Variants in ITGAM observed in about 807,000 individuals in gnomAD.
ITGAM encodes integrin alpha-M.
A neutral mutation model predicts 137.5 loss-of-function variants in ITGAM; 79 were observed. The observed-to-expected ratio is 0.57, with a 90% CI of 0.48 to 0.69. ITGAM has a LOEUF of 0.69. Ranked by LOEUF, ITGAM falls within the 30% of genes least tolerant of loss-of-function variation. ITGAM has a pLI of 0.00. For synonymous variants in ITGAM, 583 were observed against 592.3 expected (o/e 0.98, Z 0.23); for missense variants, 1,343 against 1,483.5 (o/e 0.91, Z 1.56).
chr16:31,329,462 G>A (rs1172139278), intron 24 of ITGAM, among the ~76,000 whole-genome samples, 159 bp downstream of exon 24: 1 of 152,144 alleles, frequency 6.6e-6, no homozygotes, highest in East Asian at 1.9e-4. Context: ...ATACACGCAC[G>A]TATGTATGTG....
Position 31,266,651 on chromosome 16 carries a change from A to C in ITGAM, c.427+504A>C, listed in dbSNP as rs1596970364. Among the ~76,000 whole-genome samples, 3 of 152,110 alleles carry C rather than the reference A, an allele frequency of 2.0e-5. No individual in the cohort carries two copies. The South Asian group carries it at 6.2e-4, about 32-fold the overall frequency. On this transcript the variant is annotated intron_variant, in intron 5 of 29. Coordinates refer to ENST00000544665, the MANE Select transcript of ITGAM (RefSeq NM_000632.4). ...CTTGAGCCTGGGAAGTTGAAGCTGC[A>C]GCAAGTTATGATTGCACCACTGTAC...
intron 16 of ITGAM, among the ~76,000 whole-genome samples, chr16:31,322,822 C>A (rs183383619): frequency 1.3e-5 from 2 of 152,260 alleles, no homozygotes; most frequent in East Asian, 3.9e-4. Context: ...AAAAATCGCA[C>A]TGACTGAAAT....
intron 12 of ITGAM, among the ~76,000 whole-genome samples, chr16:31,282,266 G>T (rs1002025573): frequency 6.6e-6 from 1 of 152,080 alleles, no homozygotes; most frequent in Non-Finnish European, 1.5e-5. Flanking sequence ...TCAATTCCTG[G>T]ATATCCTTGT....
intron 23 of ITGAM, among the ~76,000 whole-genome samples, chr16:31,328,757 T>C (rs1190783440): frequency 6.7e-6 from 1 of 149,312 alleles, no homozygotes; most frequent in Non-Finnish European, 1.5e-5. Context: ...TGAAGGTCTA[T>C]GTGCATGCGT....
chr16:31,276,762 A>T lies in ITGAM; in HGVS notation c.1083+18A>T. On this transcript the variant is annotated intron_variant, in intron 10 of 29. Transcript: ENST00000544665. Reference sequence around the variant, plus strand: ...TCACCTCTGTAAGTGGCCCTTCATTAAATTGCGGGGGTGGGGCAGGGGGTA... The same window carrying T: ...TCACCTCTGTAAGTGGCCCTTCATTTAATTGCGGGGGTGGGGCAGGGGGTA... 1 of 1,603,300 alleles carries T rather than the reference A, an allele frequency of 6.2e-7. No individual in the cohort carries two copies. The highest frequency in any genetic ancestry group is 1.3e-5 in the African/African-American group (1 of 74,810).
chr16:31,291,270 A>G lies in ITGAM; in HGVS notation c.1357-6244A>G, dbSNP rs2080084386. 2.0e-5 allele frequency among the ~76,000 whole-genome samples: 3 copies of G among 152,126 alleles called. No individual in the cohort carries two copies. In the South Asian group the frequency reaches 6.2e-4, roughly 31 times the overall value. On this transcript the variant is annotated intron_variant, in intron 12 of 29. Coordinates refer to ENST00000544665, the MANE Select transcript of ITGAM (RefSeq NM_000632.4). The stretch of plus-strand genomic sequence containing the variant: ...ACACTTAAGTTGATTCTATATCTCG[A>G]CTATTGTGAATAGTGCTGCGATAAA...
In ITGAM at chr16:31,332,731, T is replaced by G. The variant is rs2080604114; in HGVS notation, c.*1024T>G. 1 of 152,258 alleles carries G rather than the reference T, an allele frequency of 6.6e-6. No individual in the cohort carries two copies. The highest frequency in any genetic ancestry group is 2.4e-5 in the African/African-American group (1 of 41,464). The allele number at this position is 152,258 out of a possible 1,614,324, so 9.4% of individuals were successfully genotyped here. A position where few individuals can be genotyped will look rare whatever the true frequency, so the allele number is the denominator to read the frequency against. On this transcript the variant is annotated 3_prime_UTR_variant, in exon 30 of 30. Coordinates refer to ENST00000544665, the MANE Select transcript of ITGAM (RefSeq NM_000632.4). ...GGTTCATATTAAGACATAAATTACTTTTTCATTCTTTTATACCGCTGCATA... is the reference window on the plus strand; with the variant it reads ...GGTTCATATTAAGACATAAATTACTGTTTCATTCTTTTATACCGCTGCATA...
At position 31,265,866 on chromosome 16, in the gene ITGAM, C is replaced by T. The variant is rs377027681; in HGVS notation, c.294C>T (p.Ser98=). 4.4e-5 allele frequency: 71 copies of T among 1,613,718 alleles called. No homozygotes were observed. In the African/African-American group the frequency reaches 8.5e-4, roughly 19 times the overall value. Residue 98 remains serine (S), a synonymous_variant, in exon 4 of 30, where the codon AGC becomes AGT. Transcript: ENST00000544665. The part of the protein sequence containing the change: ...SLGLSLAATT[S]PPQLLACGPT... ...GCCTGTCCCTGGCAGCCACCACCAG[C>T]CCCCCTCAGCTGCTGGTGAGTGGGG...
intron 12 of ITGAM, among the ~76,000 whole-genome samples, chr16:31,280,143 T>C (rs1262943461): frequency 6.6e-6 from 1 of 152,188 alleles, no homozygotes; most frequent in East Asian, 1.9e-4. Context: ...ACTGTAGTCT[T>C]GTAATATAGT....
At chr16:31,293,316 G>A (rs2080104445) in intron 12 of ITGAM, among the ~76,000 whole-genome samples, 1 of 151,920 alleles carries the variant, frequency 6.6e-6, no homozygotes, top group African/African-American at 2.4e-5. Flanking sequence ...GGAAATCTTT[G>A]CTTATTCCTG....
chr16:31,273,446 T>C lies in ITGAM; in HGVS notation c.786T>C (p.Phe262=), dbSNP rs764065514. 1 of 1,613,916 alleles carries C rather than the reference T, an allele frequency of 6.2e-7. No individual in the cohort carries two copies. Among genetic ancestry groups the C allele is most frequent in the Non-Finnish European group, 8.5e-7 (1 of 1,179,848 alleles). Residue 262 remains phenylalanine (F), a synonymous_variant, in exon 8 of 30, where the codon TTT becomes TTC. Coordinates refer to ENST00000544665, the MANE Select transcript of ITGAM (RefSeq NM_000632.4). ...TTGTCATCACGGATGGAGAAAAGTT[T>C]GGCGATCCCTTGGGATATGAGGATG... The part of the protein sequence containing the change: ...ILVVITDGEK[F]GDPLGYEDVI...
At chr16:31,286,527 A>C (rs750579697) in intron 12 of ITGAM, among the ~76,000 whole-genome samples, 1 of 152,088 alleles carries the variant, frequency 6.6e-6, no homozygotes, top group African/African-American at 2.4e-5. Flanking sequence ...TGTCTTTTTA[A>C]TAATAGCATT....
chr16:31,296,431 G>A (rs1567264117), intron 12 of ITGAM, among the ~76,000 whole-genome samples: 1 of 151,960 alleles, frequency 6.6e-6, no homozygotes, highest in Non-Finnish European at 1.5e-5. Flanking sequence ...GACTTTATAT[G>A]TTTGTCAAAA....
In ITGAM at chr16:31,276,608, A is replaced by G; in HGVS notation, c.1010-63A>G. The G allele has an allele frequency of 7.6e-6, 9 of 1,186,474 alleles. No homozygotes were observed. In the Middle Eastern group the frequency reaches 1.4e-3, roughly 183 times the overall value. 73.5% of individuals were successfully genotyped at this position (1,186,474 alleles called of 1,614,324 possible). A position where few individuals can be genotyped will look rare whatever the true frequency, so the allele number is the denominator to read the frequency against. On this transcript the variant is annotated intron_variant, in intron 9 of 29. Transcript: ENST00000544665. ...CAGGCTCTCAAAATGTTGGGATTACAGGCGTGAGCCACCATGCCCGGCCTT... is the reference window on the plus strand; with the variant it reads ...CAGGCTCTCAAAATGTTGGGATTACGGGCGTGAGCCACCATGCCCGGCCTT...
chr16:31,276,536 T>G (rs2079907778), intron 9 of ITGAM, 135 bp from the exon 10 acceptor site: 4 of 635,950 alleles, frequency 6.3e-6, no homozygotes, highest in Non-Finnish European at 1.1e-5. Context: ...TTCACCATGT[T>G]CACCAGACTG....
chr16:31,273,757 T>C, intron 8 of ITGAM: 1 of 389,436 alleles, frequency 2.6e-6, no homozygotes, highest in South Asian at 3.2e-5. Context: ...CTGGTCTCAA[T>C]GGCCTTCCTC....
chr16:31,267,044 T>A (rs2144265785), intron 5 of ITGAM, among the ~76,000 whole-genome samples: 1 of 152,144 alleles, frequency 6.6e-6, no homozygotes, highest in Non-Finnish European at 1.5e-5. Context: ...ATTTTTGTAT[T>A]TTTAGCAGAG....
intron 5 of ITGAM, among the ~76,000 whole-genome samples, chr16:31,267,936 G>A (rs1045656983): frequency 1.3e-5 from 2 of 152,080 alleles, no homozygotes; most frequent in African/African-American, 4.8e-5. Flanking sequence ...GAGCCACTGC[G>A]CCTGGCCCAG....
chr16:31,311,304 A>G (rs1484454894), intron 14 of ITGAM, among the ~76,000 whole-genome samples: 1 of 152,246 alleles, frequency 6.6e-6, no homozygotes, highest in Non-Finnish European at 1.5e-5. Context: ...TAAACTAAAG[A>G]GCTGCTGCAC....
Sources: gnomAD v4.1 joint callset for allele counts (sites outside exome capture counted in the v4.1 genomes callset) on GRCh38, gnomAD v4.1.1 for gene constraint, MANE v1.5 for transcripts, NCBI Gene and HGNC (gene_info 2026-07-23, HGNC 2026-07-21) for gene names.